Variants in NFAT5 observed in about 807,000 individuals in gnomAD.
The protein encoded by NFAT5 is nuclear factor of activated T cells 5.
In NFAT5, 31 loss-of-function variants were observed where a neutral mutation model predicts 166.5. That is an observed-to-expected ratio of 0.19 (90% CI 0.14 to 0.25). NFAT5 has a LOEUF of 0.25. NFAT5 is among the 10% of genes least tolerant of loss of function. The pLI is 1.00. For missense variants in NFAT5, 1,449 were observed against 1,821.8 expected (o/e 0.80, Z 3.72); for synonymous variants, 612 against 639.7 (o/e 0.96, Z 0.65).
chr16:69,591,965 C>A (rs1017879189), intron 2 of NFAT5, among the ~76,000 whole-genome samples: 2 of 152,034 alleles, frequency 1.3e-5, no homozygotes, highest in Non-Finnish European at 2.9e-5. Flanking sequence ...CTTTCCAAAG[C>A]TATAAAAACT....
intron 10 of NFAT5, among the ~76,000 whole-genome samples, chr16:69,681,968 T>C (rs1193926167): frequency 6.7e-6 from 1 of 150,336 alleles, no homozygotes; most frequent in East Asian, 1.9e-4. Context: ...CCTGGGTGCC[T>C]GTTACATGGT....
intron 7 of NFAT5, among the ~76,000 whole-genome samples, chr16:69,667,495 A>T (rs928275257): frequency 6.8e-4 from 47 of 69,220 alleles, no homozygotes; most frequent in South Asian, 1.0e-3. Context: ...TGCAGAAACT[A>T]AAAAAAAAAA....
chr16:69,613,367 G>A (rs2033792041), intron 2 of NFAT5, among the ~76,000 whole-genome samples: 2 of 152,108 alleles, frequency 1.3e-5, no homozygotes, highest in East Asian at 3.8e-4. Flanking sequence ...ATATGTTTGA[G>A]TTTATCATTT....
rs1282719151 is a variant in NFAT5 at position 69,703,572 on chromosome 16, G to T, written c.*7221G>T. ...ATTACCAGTTAATTAACTCGTGAAAGAAAAATTCACATATCAGAATAAAAA... is the reference window on the plus strand; with the variant it reads ...ATTACCAGTTAATTAACTCGTGAAATAAAAATTCACATATCAGAATAAAAA... On this transcript the variant is annotated 3_prime_UTR_variant, in exon 15 of 15. Transcript: ENST00000349945. The T allele has an allele frequency of 3.3e-5, 5 of 152,498 alleles. No individual in the cohort carries two copies. Among genetic ancestry groups the T allele is most frequent in the Non-Finnish European group, 7.4e-5 (5 of 67,984 alleles). The allele number at this position is 152,498 out of a possible 1,614,324, so 9.4% of individuals were successfully genotyped here.
chr16:69,656,282 C>CAAAAAA (rs1230748739), intron 6 of NFAT5, among the ~76,000 whole-genome samples: 3 of 58,854 alleles, frequency 5.1e-5, no homozygotes, highest in Non-Finnish European at 1.1e-4. Context: ...CTCTGTCTCA[C>CAAAAAA]AAAAAAAAAA....
rs573605573 is a variant in NFAT5, at chr16:69,642,486, G to A, written c.254-4542G>A. Among the ~76,000 whole-genome samples, 11 of 152,068 alleles carry A rather than the reference G, an allele frequency of 7.2e-5. No individual in the cohort carries two copies. The South Asian group carries it at 2.3e-3, about 32-fold the overall frequency. On this transcript the variant is annotated intron_variant, in intron 3 of 14. Coordinates refer to ENST00000349945, the MANE Select transcript of NFAT5 (RefSeq NM_138713.4). ...GGTCTATTAATTTTTCCTTTAGTTTGTTGTGCTTTCTGTGGTCACAGAAAA... is the reference window on the plus strand; with the variant it reads ...GGTCTATTAATTTTTCCTTTAGTTTATTGTGCTTTCTGTGGTCACAGAAAA...
intron 2 of NFAT5, among the ~76,000 whole-genome samples, chr16:69,573,171 A>G (rs559541882): frequency 6.6e-6 from 1 of 152,326 alleles, no homozygotes; most frequent in Non-Finnish European, 1.5e-5. Context: ...AACATTTAAG[A>G]CCGGAAGATT....
chr16:69,585,958 A>G (rs1055660987), intron 2 of NFAT5, among the ~76,000 whole-genome samples: 1 of 152,250 alleles, frequency 6.6e-6, no homozygotes, highest in Non-Finnish European at 1.5e-5. Context: ...AATGTCGTGC[A>G]TAGATTTAAT....
At chr16:69,572,875 A>G (rs2016523807) in intron 2 of NFAT5, among the ~76,000 whole-genome samples, 2 of 152,058 alleles carry the variant, frequency 1.3e-5, no homozygotes, top group African/African-American at 2.4e-5. Context: ...ACAGAGTCTC[A>G]CTCTGTTGCC....
At chr16:69,623,157 A>G (rs1315796223) in intron 2 of NFAT5, among the ~76,000 whole-genome samples, 7 of 152,228 alleles carry the variant, frequency 4.6e-5, no homozygotes, top group African/African-American at 1.7e-4. Context: ...AAGAAAAAAA[A>G]TGGACTTGAG....
intron 6 of NFAT5, 128 bp downstream of exon 6, chr16:69,655,927 A>C (rs1360958608): frequency 1.8e-5 from 12 of 659,914 alleles, no homozygotes; most frequent in African/African-American, 5.6e-5. Flanking sequence ...TGAATAAAAA[A>C]AGACATTACT....
At chr16:69,579,493 G>T (rs1364913353) in intron 2 of NFAT5, among the ~76,000 whole-genome samples, 1 of 151,906 alleles carries the variant, frequency 6.6e-6, no homozygotes, top group Non-Finnish European at 1.5e-5. Flanking sequence ...GTAGTTGAAA[G>T]ACAGAATGTC....
chr16:69,618,915 A>G (rs1444079898), intron 2 of NFAT5, among the ~76,000 whole-genome samples: 1 of 152,212 alleles, frequency 6.6e-6, no homozygotes, highest in African/African-American at 2.4e-5. Context: ...TTCCCAACAC[A>G]AAGGAACATT....
intron 3 of NFAT5, among the ~76,000 whole-genome samples, chr16:69,627,565 C>T (rs1334681404): frequency 6.6e-6 from 1 of 151,928 alleles, no homozygotes; most frequent in Admixed American, 6.6e-5. Context: ...AGTATAACTT[C>T]AGATATATTT....
Position 69,677,333 on chromosome 16 carries a change from C to T in NFAT5, c.1688C>T (p.Pro563Leu). The T allele has an allele frequency of 6.4e-7, 1 of 1,561,822 alleles. No homozygotes were observed. Among genetic ancestry groups the T allele is most frequent in the South Asian group, 1.2e-5 (1 of 81,812 alleles). Residue 563 changes from proline (P) to leucine (L), a missense_variant and splice_region_variant, in exon 10 of 15, where the codon CCA (proline) becomes CTA (leucine). By Grantham distance (98) the Pro-to-Leu change is moderately conservative (BLOSUM62 -3). Coordinates refer to ENST00000349945, the MANE Select transcript of NFAT5 (RefSeq NM_138713.4). ...CAACCATTCACTTACACTCCAGACC[C>T]AGGTATGTCAAAATGAAAAATTCAG... ...DVQPFTYTPD[P>L]AAAGALNVNV... is the part of the protein sequence containing the mutation.
intron 10 of NFAT5, among the ~76,000 whole-genome samples, chr16:69,681,650 G>A (rs1309535987): frequency 2.0e-5 from 3 of 152,150 alleles, no homozygotes; most frequent in Non-Finnish European, 4.4e-5. Flanking sequence ...GGGCACGGTG[G>A]CTCACGCCTG....
At chr16:69,573,247 A>G (rs887759024) in intron 2 of NFAT5, among the ~76,000 whole-genome samples, 1 of 152,266 alleles carries the variant, frequency 6.6e-6, no homozygotes, top group South Asian at 2.1e-4. Flanking sequence ...TTTTTTTACT[A>G]CTGCTAATCT....
intron 2 of NFAT5, among the ~76,000 whole-genome samples, chr16:69,580,792 A>G (rs1305975011): frequency 6.6e-6 from 1 of 151,922 alleles, no homozygotes; most frequent in Non-Finnish European, 1.5e-5. Context: ...AGTAGCTGGG[A>G]CTACAGGTGC....
chr16:69,588,980 CTTTTTTTTTTTTTT>C lies in NFAT5; in HGVS notation c.127+20450_127+20463del, dbSNP rs945918292. ...GACCCTCCCTCCTCTTTTCCTACTT[CTTTTTTTTTTTTTT>C]TTTTTTTTTTTTTTTTTGAGATGGA... On this transcript the variant is annotated intron_variant, in intron 2 of 14. Transcript: ENST00000349945. Among the ~76,000 whole-genome samples the C allele has an allele frequency of 1.7e-3, 60 of 34,366 alleles. 1 individual carries two copies. The highest frequency in any genetic ancestry group is 4.1e-3 in the Admixed American group (12 of 2,930). 22.5% of individuals were successfully genotyped at this position (34,366 alleles called of 152,430 possible).
Sources: gnomAD v4.1 joint callset for allele counts (sites outside exome capture counted in the v4.1 genomes callset) on GRCh38, gnomAD v4.1.1 for gene constraint, MANE v1.5 for transcripts, NCBI Gene and HGNC (gene_info 2026-07-23, HGNC 2026-07-21) for gene names.